The following SORCS1 variants were observed in gnomAD, a reference collection of about 807,000 sequenced individuals.
SORCS1 encodes the protein VPS10 domain-containing receptor SorCS1.
Under a neutral mutation model 146.1 loss-of-function variants are expected in SORCS1, and 60 were observed. That is an observed-to-expected ratio of 0.41 (90% CI 0.33 to 0.51). SORCS1 has a LOEUF of 0.51. Ranked by LOEUF, SORCS1 falls within the 20% of genes least tolerant of loss-of-function variation. SORCS1 has a pLI of 0.21. For missense variants in SORCS1, 1,352 were observed against 1,487.6 expected, an observed-to-expected ratio of 0.91 and a Z score of 1.50; for synonymous variants, 637 against 584.0, an observed-to-expected ratio of 1.09 and a Z score of -1.31.
intron 5 of SORCS1, among the ~76,000 whole-genome samples, chr10:106,754,509 T>C (rs553402935): frequency 4.5e-4 from 68 of 152,344 alleles, no homozygotes; most frequent in African/African-American, 1.6e-3. Context: ...TCTTGATCAA[T>C]AAACTATTTC....
chr10:106,772,470 A>ATCAATCTC (rs1354699246), intron 4 of SORCS1, among the ~76,000 whole-genome samples: 1 of 127,560 alleles, frequency 7.8e-6, no homozygotes, highest in African/African-American at 2.9e-5. Flanking sequence ...CAATCAATCA[A>ATCAATCTC]TCTCTCTCTC....
At chr10:107,043,417 G>A (rs910097736) in intron 1 of SORCS1, among the ~76,000 whole-genome samples, 1 of 152,130 alleles carries the variant, frequency 6.6e-6, no homozygotes, top group African/African-American at 2.4e-5. Context: ...TCCCTTGCCA[G>A]ATAAAACGAT....
At chr10:106,796,238 A>T (rs1203021829) in intron 3 of SORCS1, among the ~76,000 whole-genome samples, 1 of 152,208 alleles carries the variant, frequency 6.6e-6, no homozygotes, top group South Asian at 2.1e-4. Flanking sequence ...CTACATTTAC[A>T]TGTTGACAGT....
intron 2 of SORCS1, among the ~76,000 whole-genome samples, chr10:106,882,817 C>T (rs767642723): frequency 3.9e-5 from 6 of 152,072 alleles, no homozygotes; most frequent in African/African-American, 1.2e-4. Flanking sequence ...TGGATGGAGA[C>T]GCAGCACAGG....
intron 19 of SORCS1, among the ~76,000 whole-genome samples, chr10:106,625,996 G>C (rs534178617): frequency 6.6e-5 from 10 of 152,232 alleles, no homozygotes; most frequent in Non-Finnish European, 1.2e-4. Context: ...CAGGCTACAG[G>C]AGATTACCAG....
intron 1 of SORCS1, among the ~76,000 whole-genome samples, chr10:107,163,013 A>C (rs1371414477): frequency 6.6e-6 from 1 of 152,176 alleles, no homozygotes; most frequent in Non-Finnish European, 1.5e-5. Flanking sequence ...ATTTCAACTC[A>C]CTGAAGTTTC....
intron 5 of SORCS1, among the ~76,000 whole-genome samples, chr10:106,731,809 A>G (rs889336097): frequency 7.9e-5 from 12 of 152,188 alleles, no homozygotes. Context: ...ATTCATAGAT[A>G]TAGTTCCTGG....
intron 14 of SORCS1, 35 bp downstream of exon 14, chr10:106,675,014 A>ATG: frequency 6.6e-7 from 1 of 1,522,860 alleles, no homozygotes; most frequent in Non-Finnish European, 9.1e-7. Context: ...ACTCTTTTCT[A>ATG]TGAAGGCTGG....
chr10:106,876,137 C>T (rs538290295), intron 2 of SORCS1, among the ~76,000 whole-genome samples: 8 of 152,116 alleles, frequency 5.3e-5, no homozygotes, highest in Non-Finnish European at 1.2e-4. Context: ...CCTTCCTTTT[C>T]ACTTAGAACC....
intron 1 of SORCS1, among the ~76,000 whole-genome samples, chr10:107,147,746 C>A (rs1264234566): frequency 6.6e-6 from 1 of 152,062 alleles, no homozygotes; most frequent in Non-Finnish European, 1.5e-5. Flanking sequence ...ATGCTTATTG[C>A]AAACCACCTA....
chr10:106,794,992 T>A (rs1263807918), intron 3 of SORCS1, among the ~76,000 whole-genome samples: 1 of 152,240 alleles, frequency 6.6e-6, no homozygotes, highest in Non-Finnish European at 1.5e-5. Context: ...TCACTTCTTA[T>A]GTCTGATCCT....
chr10:106,774,491 C>T (rs1484889550), intron 4 of SORCS1, among the ~76,000 whole-genome samples: 3 of 151,610 alleles, frequency 2.0e-5, no homozygotes, highest in Non-Finnish European at 4.4e-5. Flanking sequence ...ATTTTAGTTT[C>T]AGCCAAATAG....
intron 3 of SORCS1, among the ~76,000 whole-genome samples, chr10:106,819,641 G>A (rs1947917315): frequency 6.6e-6 from 1 of 152,132 alleles, no homozygotes; most frequent in Non-Finnish European, 1.5e-5. Context: ...TGCTGCAGGG[G>A]AGCTGGAGAA....
At chr10:107,164,711 A>T (rs931174539), upstream of SORCS1, among the ~76,000 whole-genome samples, 1 of 146,484 alleles carries the variant, frequency 6.8e-6, no homozygotes, top group Non-Finnish European at 1.5e-5. This position sits in a 1 kb window ranked among gnomAD's most constrained non-coding sequence, Gnocchi z 6.8. Flanking sequence ...GCTTGTGCCG[A>T]GCGCGGGTCC....
intron 17 of SORCS1, among the ~76,000 whole-genome samples, chr10:106,659,192 C>T (rs1469795290): frequency 6.6e-6 from 1 of 152,212 alleles, no homozygotes; most frequent in East Asian, 1.9e-4. Flanking sequence ...TTGGACTATT[C>T]CCCTCAATGG....
At chr10:106,966,195 G>T (rs549951717) in intron 1 of SORCS1, among the ~76,000 whole-genome samples, 60 of 152,196 alleles carry the variant, frequency 3.9e-4, no homozygotes, top group Non-Finnish European at 6.0e-4. Context: ...AAAGGGGAAA[G>T]AAATCAATAA....
intron 2 of SORCS1, among the ~76,000 whole-genome samples, chr10:106,942,882 A>G (rs1954122324): frequency 6.6e-6 from 1 of 152,200 alleles, no homozygotes; most frequent in South Asian, 2.1e-4. Context: ...TGGGAAATGT[A>G]AACATGGCCA....
intron 1 of SORCS1, among the ~76,000 whole-genome samples, chr10:106,989,089 C>A (rs1956619436): frequency 6.8e-6 from 1 of 148,082 alleles, no homozygotes; most frequent in Non-Finnish European, 1.5e-5. Context: ...TGCAACCCTG[C>A]CTCTACTAAA....
At chr10:107,108,582 C>T (rs905144665) in intron 1 of SORCS1, among the ~76,000 whole-genome samples, 8 of 152,142 alleles carry the variant, frequency 5.3e-5, no homozygotes, top group Non-Finnish European at 1.0e-4. Flanking sequence ...CCACCTCAAA[C>T]ATTGGGGATT....
Sources: gnomAD v4.1 joint callset for allele counts (sites outside exome capture counted in the v4.1 genomes callset) on GRCh38, gnomAD v4.1.1 for gene constraint, Gnocchi (gnomAD v3.1) non-coding constraint, MANE v1.5 for transcripts, NCBI Gene and HGNC (gene_info 2026-07-23, HGNC 2026-07-21) for gene names.